SZT2: variants seen among roughly 807,000 people sequenced by gnomAD.
SZT2 encodes the protein SZT2 subunit of KICSTOR complex, also known as KICSTOR complex protein SZT2.
In SZT2, 216 loss-of-function variants were observed where a neutral mutation model predicts 404.2. The observed-to-expected ratio is 0.53, with a 90% CI of 0.48 to 0.60. The LOEUF (loss-of-function observed/expected upper bound fraction) is 0.60, where lower values mean the gene tolerates loss of function less well. Ranked by LOEUF, SZT2 falls within the 20% of genes least tolerant of loss-of-function variation. The pLI is 0.00. For synonymous variants in SZT2, 1,693 were observed against 1,749.9 expected (o/e 0.97, Z 0.81); for missense variants, 3,857 against 4,459.2 (o/e 0.86, Z 3.85).
At chr1:43,409,215 T>C (rs2153930572) in intron 4 of SZT2, among the ~76,000 whole-genome samples, 1 of 152,276 alleles carries the variant, frequency 6.6e-6, no homozygotes, top group African/African-American at 2.4e-5. Flanking sequence ...TTCAGTAGAC[T>C]TTGGGGGTGC....
At chr1:43,447,758 G>A in intron 67 of SZT2, 60 bp downstream of exon 67, 1 of 1,610,728 alleles carries the variant, frequency 6.2e-7, no homozygotes, top group Non-Finnish European at 8.5e-7. Flanking sequence ...GGACATACTT[G>A]CAGTAGGGAG....
At position 43,426,983 on chromosome 1, in the gene SZT2, C is replaced by T. The variant is rs1422022396; in HGVS notation, c.3310-73C>T. 1 of 1,598,020 alleles carries T rather than the reference C, an allele frequency of 6.3e-7. No homozygotes were observed. Among genetic ancestry groups the T allele is most frequent in the African/African-American group, 1.3e-5 (1 of 74,502 alleles). On this transcript the variant is annotated intron_variant, in intron 23 of 71. Transcript: ENST00000634258. The surrounding 1 kb of genome is among the most constrained non-coding windows in gnomAD (Gnocchi z 4.9). ...AAGCTATACCTAAGATGAGTCAGCT[C>T]TAGGGTGGAGGAGGGGAACAGGGGT...
rs1656499507 is a variant in SZT2 at position 43,452,083 on chromosome 1, C to T, written c.*1603C>T. ...TGTCCCCCATCAGTCAGTCACTGGTCAAGGCCCTCACCTGTTCCTCTGACC... is the reference window on the plus strand; with the variant it reads ...TGTCCCCCATCAGTCAGTCACTGGTTAAGGCCCTCACCTGTTCCTCTGACC... On this transcript the variant is annotated 3_prime_UTR_variant, in exon 72 of 72. Transcript: ENST00000634258. 1.3e-6 allele frequency: 2 copies of T among 1,536,180 alleles called. No individual in the cohort carries two copies. Among genetic ancestry groups the T allele is most frequent in the African/African-American group, 2.7e-5 (2 of 73,666 alleles).
chr1:43,403,816 G>T (rs1215743106), intron 3 of SZT2, 42 bp downstream of exon 3: 1 of 1,601,316 alleles, frequency 6.2e-7, no homozygotes, highest in Non-Finnish European at 8.6e-7. Context: ...AGGATGGGGT[G>T]GGGTGTGAGG....
chr1:43,412,313 C>G lies in SZT2; in HGVS notation c.499-2769C>G, dbSNP rs376473017. On this transcript the variant is annotated intron_variant, in intron 4 of 71. Transcript: ENST00000634258. ...TAAACTCTGGTACTGGCTGTGTTCTCCATAGAAGGTCTCGCTGTGTTGCCT... is the reference window on the plus strand; with the variant it reads ...TAAACTCTGGTACTGGCTGTGTTCTGCATAGAAGGTCTCGCTGTGTTGCCT... The G allele has an allele frequency of 3.3e-5, 5 of 152,394 alleles. No individual in the cohort carries two copies. The South Asian group carries it at 1.0e-3, about 32-fold the overall frequency. 9.4% of individuals were successfully genotyped at this position (152,394 alleles called of 1,614,324 possible). A position where few individuals can be genotyped will look rare whatever the true frequency, so the allele number is the denominator to read the frequency against.
chr1:43,453,557 C>T lies in SZT2; in HGVS notation c.*3077C>T, dbSNP rs1250700031. 2.0e-6 allele frequency: 3 copies of T among 1,512,300 alleles called. No individual in the cohort carries two copies. The highest frequency in any genetic ancestry group is 2.7e-6 in the Non-Finnish European group (3 of 1,124,850). 93.7% of individuals were successfully genotyped at this position (1,512,300 alleles called of 1,614,324 possible). The stretch of plus-strand genomic sequence containing the variant: ...ACACTCCCCTGCCCGCGCCCCGGCA[C>T]CCCCCAGCCCTCCCAGCCCTCCCGG... On this transcript the variant is annotated 3_prime_UTR_variant, in exon 72 of 72. Transcript: ENST00000634258.
intron 1 of SZT2, among the ~76,000 whole-genome samples, chr1:43,392,617 T>C (rs976470054): frequency 4.6e-5 from 7 of 152,194 alleles, no homozygotes; most frequent in Non-Finnish European, 7.3e-5. Flanking sequence ...GGTTTCACCG[T>C]GTTAGCCAGA....
Position 43,453,736 on chromosome 1 carries a change from G to T in SZT2, c.*3256G>T, listed in dbSNP as rs749613590. 7.2e-7 allele frequency: 1 copy of T among 1,388,068 alleles called. No individual in the cohort carries two copies. Among genetic ancestry groups the T allele is most frequent in the South Asian group, 1.7e-5 (1 of 60,334 alleles). 86.0% of individuals were successfully genotyped at this position (1,388,068 alleles called of 1,614,324 possible). On this transcript the variant is annotated 3_prime_UTR_variant, in exon 72 of 72. Coordinates refer to ENST00000634258, the MANE Select transcript of SZT2 (RefSeq NM_001365999.1). ...CCCGCGGCCCGCACCCGCGCGGGGA[G>T]GCCGGAGAGCTCGGGGAATAGCCAG...
At position 43,442,135 on chromosome 1, in the gene SZT2, G is replaced by A. The variant is rs374303767; in HGVS notation, c.7873+5G>A. The A allele has an allele frequency of 3.6e-5, 58 of 1,611,534 alleles. No individual in the cohort carries two copies. The highest frequency in any genetic ancestry group is 4.7e-5 in the Non-Finnish European group (55 of 1,178,530). On this transcript the variant is annotated splice_donor_5th_base_variant and intron_variant, in intron 56 of 71. Coordinates refer to ENST00000634258, the MANE Select transcript of SZT2 (RefSeq NM_001365999.1). The surrounding 1 kb of genome is among the most constrained non-coding windows in gnomAD (Gnocchi z 4.5). ...GGAGGAGACCAACACAGCAGGGTGAGGGCATGGCCCGGGGGGGCGGGGGGC... is the reference window on the plus strand; with the variant it reads ...GGAGGAGACCAACACAGCAGGGTGAAGGCATGGCCCGGGGGGGCGGGGGGC...
rs974882324 is a variant in SZT2 at position 43,437,308 on chromosome 1, A to C, written c.6172A>C (p.Met2058Leu). Residue 2058 changes from methionine (M) to leucine (L), a missense_variant, in exon 43 of 72, where the codon ATG becomes CTG. Physicochemically the swap from Met to Leu is conservative, Grantham distance 15 (BLOSUM62 2). Transcript: ENST00000634258. The surrounding 1 kb of genome is among the most constrained non-coding windows in gnomAD (Gnocchi z 5.3). ...VHSRLKMGPSMGVSRAIQALR... is the reference protein window; with the variant it reads ...VHSRLKMGPSLGVSRAIQALR... ...TTCACGCCTCAAAATGGGGCCCAGCATGGGGGTCTCTCGGGGTATGTGATT... is the reference window on the plus strand; with the variant it reads ...TTCACGCCTCAAAATGGGGCCCAGCCTGGGGGTCTCTCGGGGTATGTGATT... 1 of 1,613,994 alleles carries C rather than the reference A, an allele frequency of 6.2e-7. No individual in the cohort carries two copies. The highest frequency in any genetic ancestry group is 8.5e-7 in the Non-Finnish European group (1 of 1,179,974).
intron 1 of SZT2, 115 bp downstream of exon 1, chr1:43,390,110 G>A: frequency 1.6e-6 from 2 of 1,229,542 alleles, no homozygotes; most frequent in South Asian, 1.9e-5. Context: ...CGTAGCCTCG[G>A]CAGGGACCAG....
intron 30 of SZT2, 98 bp downstream of exon 30, chr1:43,430,201 T>C: frequency 6.4e-7 from 1 of 1,572,186 alleles, no homozygotes; most frequent in Non-Finnish European, 8.7e-7. Flanking sequence ...ATGTGGCTCT[T>C]GTCTTGCCTT....
Position 43,442,733 on chromosome 1 carries a change from G to A in SZT2, c.8152-86G>A. ...GACTGAGGGCAGAGGTAGTGGGGAG[G>A]GAGAGTCTGAGAGAGGAAGCCCTGG... On this transcript the variant is annotated intron_variant, in intron 58 of 71. Coordinates refer to ENST00000634258, the MANE Select transcript of SZT2 (RefSeq NM_001365999.1). The surrounding 1 kb of genome is among the most constrained non-coding windows in gnomAD (Gnocchi z 4.5). The A allele has an allele frequency of 6.5e-7, 1 of 1,535,532 alleles. No homozygotes were observed. The highest frequency in any genetic ancestry group is 1.3e-5 in the South Asian group (1 of 79,456).
Position 43,403,739 on chromosome 1 carries a change from A to G in SZT2, c.292A>G (p.Ile98Val), listed in dbSNP as rs1189554367. ...CCTGGCTTGGCAGTATCGGTTTGTC[A>G]TTGAGTTGGACCTTAGCCCATCTAC... ...TFLAWQYRFV[I>V]ELDLSPSTGI... is the part of the protein sequence containing the mutation. Residue 98 changes from isoleucine to valine, a missense_variant, in exon 3 of 72, where the codon ATT becomes GTT. Around this residue, in one of 7 missense-constraint regions of SZT2, gnomAD observed 536 missense variants for 637.4 expected, o/e 0.84. Coordinates refer to ENST00000634258, the MANE Select transcript of SZT2 (RefSeq NM_001365999.1). The G allele has an allele frequency of 3.1e-6, 5 of 1,614,034 alleles. No individual in the cohort carries two copies. Among genetic ancestry groups the G allele is most frequent in the Non-Finnish European group, 4.2e-6 (5 of 1,180,016 alleles).
chr1:43,431,382 T>C lies in SZT2; in HGVS notation c.5024+10T>C, dbSNP rs1653854509. On this transcript the variant is annotated intron_variant, in intron 34 of 71. Transcript: ENST00000634258. ...CCCCAGAAGAGGAGAGGTACTTCTT[T>C]ATCTCCCTGTCAGAGTTCATTACTG... The C allele has an allele frequency of 1.2e-6, 2 of 1,612,112 alleles. No individual in the cohort carries two copies. Among genetic ancestry groups the C allele is most frequent in the African/African-American group, 2.7e-5 (2 of 74,890 alleles).
chr1:43,404,296 T>C, intron 3 of SZT2, 84 bp from the exon 4 acceptor site: 1 of 1,183,926 alleles, frequency 8.4e-7, no homozygotes, highest in Non-Finnish European at 1.2e-6. Context: ...TTAAGTGTCC[T>C]ACTGACCCAT....
intron 7 of SZT2, among the ~76,000 whole-genome samples, chr1:43,417,775 G>A (rs1163762936): frequency 6.6e-6 from 1 of 152,170 alleles, no homozygotes; most frequent in African/African-American, 2.4e-5. Flanking sequence ...CTGCTTGAGA[G>A]GTAGAGATTT....
rs1656306619 is a variant in SZT2 at position 43,450,836 on chromosome 1, T to C, written c.*356T>C. On this transcript the variant is annotated 3_prime_UTR_variant, in exon 72 of 72. Transcript: ENST00000634258. This position sits in a 1 kb window ranked among gnomAD's most constrained non-coding sequence, Gnocchi z 4.3. ...GCTCCTCTGCCTGAATCCTGCCCCC[T>C]AGCCTTTGACCACTGTCAGCCACCT... The C allele has an allele frequency of 1.4e-6, 1 of 704,024 alleles. No homozygotes were observed. The highest frequency in any genetic ancestry group is 2.6e-6 in the Non-Finnish European group (1 of 379,206). 43.6% of individuals were successfully genotyped at this position (704,024 alleles called of 1,614,324 possible).
At chr1:43,429,960 T>A in intron 29 of SZT2, 51 bp from the exon 30 acceptor site, 1 of 1,612,930 alleles carries the variant, frequency 6.2e-7, no homozygotes, top group Non-Finnish European at 8.5e-7. Context: ...GGGAGTAGTA[T>A]CCTGTTGAGG....
Sources: allele counts gnomAD v4.1 joint callset (sites outside exome capture counted in the v4.1 genomes callset), GRCh38; gene constraint gnomAD v4.1.1; regional missense constraint gnomAD v4.1.1; non-coding constraint Gnocchi (gnomAD v3.1); transcripts MANE v1.5; gene names NCBI Gene and HGNC (gene_info 2026-07-23, HGNC 2026-07-21).